MYO1D: variants seen among roughly 807,000 people sequenced by gnomAD.
MYO1D encodes the protein myosin ID.
Under a neutral mutation model 122.0 loss-of-function variants are expected in MYO1D, and 83 were observed. The observed-to-expected ratio is 0.68, with a 90% CI of 0.57 to 0.82. MYO1D has a LOEUF of 0.82. Among genes scored for constraint, MYO1D ranks in the 40% least tolerant of loss-of-function variants. The probability of loss-of-function intolerance (pLI) is 0.00; values close to 1 mark genes in which losing one functional copy is unlikely to be tolerated. For synonymous variants in MYO1D, 464 were observed against 446.9 expected (o/e 1.04, Z -0.48); for missense variants, 1,157 against 1,269.5 (o/e 0.91, Z 1.35).
At chr17:32,639,387 G>T (rs2088158659) in intron 19 of MYO1D, among the ~76,000 whole-genome samples, 1 of 150,302 alleles carries the variant, frequency 6.7e-6, no homozygotes, top group Non-Finnish European at 1.5e-5. Flanking sequence ...GTGTGTGTGT[G>T]TGTGTGTGTG....
chr17:32,664,666 G>A (rs574037179), intron 16 of MYO1D, among the ~76,000 whole-genome samples: 1 of 152,276 alleles, frequency 6.6e-6, no homozygotes, highest in South Asian at 2.1e-4. Context: ...ACTGACAGAG[G>A]AGCAAGCAAG....
intron 1 of MYO1D, among the ~76,000 whole-genome samples, chr17:32,835,257 A>G (rs1490862484): frequency 6.6e-6 from 1 of 151,390 alleles, no homozygotes; most frequent in Non-Finnish European, 1.5e-5. Context: ...ATTATTCAAT[A>G]CTCAACTAAA....
chr17:32,824,328 A>C (rs1188604570), intron 1 of MYO1D, among the ~76,000 whole-genome samples: 2 of 152,208 alleles, frequency 1.3e-5, no homozygotes, highest in Non-Finnish European at 2.9e-5. Context: ...ATAGACTAAT[A>C]AACTTTCATT....
rs187853260 is a variant in MYO1D, at chr17:32,713,870, C to T, written c.1914-1675G>A. 5.6e-4 allele frequency among the ~76,000 whole-genome samples: 85 copies of T among 152,076 alleles called. No homozygotes were observed. In the South Asian group the frequency reaches 0.011, roughly 20 times the overall value. ...AACTCCTGACCTCAAGTGATCTGCCCGCCTTGGCCTCTCAAAATGCTGGGA... is the reference window on the plus strand; with the variant it reads ...AACTCCTGACCTCAAGTGATCTGCCTGCCTTGGCCTCTCAAAATGCTGGGA... On this transcript the variant is annotated intron_variant, in intron 15 of 21. Transcript: ENST00000318217.
chr17:32,690,601 G>A (rs920229822), intron 16 of MYO1D, among the ~76,000 whole-genome samples: 1 of 152,182 alleles, frequency 6.6e-6, no homozygotes, highest in Non-Finnish European at 1.5e-5. Context: ...GGATCACGGA[G>A]CAGATCCCTC....
At chr17:32,665,622 A>T (rs188863320) in intron 16 of MYO1D, among the ~76,000 whole-genome samples, 25 of 152,228 alleles carry the variant, frequency 1.6e-4, no homozygotes, top group Admixed American at 1.6e-3. Context: ...TTATGGTTTT[A>T]TTTTTTGCAC....
intron 19 of MYO1D, among the ~76,000 whole-genome samples, chr17:32,642,607 T>C (rs1456836845): frequency 6.6e-6 from 1 of 152,230 alleles, no homozygotes; most frequent in African/African-American, 2.4e-5. Flanking sequence ...TTTATTTCAT[T>C]GAGCAGTGGT....
At position 32,764,955 on chromosome 17, in the gene MYO1D, C is replaced by T. The variant is rs1270600216; in HGVS notation, c.958G>A (p.Val320Met). ...TCAATGATGTCACGGCCTGTGGCCA[C>T]AGTCCGGTAAAGAAGGGCTTTCTCA... ...MVEKALLYRT[V>M]ATGRDIIDKQ... The change falls in exon 8 of 22, where the codon GTG (valine) becomes ATG (methionine). Residue 320 changes from valine (V) to methionine (M), a missense_variant. Transcript: ENST00000318217. 2 of 1,614,202 alleles carry T rather than the reference C, an allele frequency of 1.2e-6. No homozygotes were observed. The highest frequency in any genetic ancestry group is 1.7e-6 in the Non-Finnish European group (2 of 1,180,040).
intron 19 of MYO1D, among the ~76,000 whole-genome samples, chr17:32,644,191 A>G (rs1298809031): frequency 6.6e-6 from 1 of 152,050 alleles, no homozygotes; most frequent in African/African-American, 2.4e-5. Context: ...GTTATTCAGG[A>G]GCAGGTTGTT....
chr17:32,791,914 T>C (rs2090356453), intron 1 of MYO1D, among the ~76,000 whole-genome samples: 1 of 152,238 alleles, frequency 6.6e-6, no homozygotes, highest in African/African-American at 2.4e-5. Flanking sequence ...GCTGGTTTCC[T>C]GTGAATTCAT....
chr17:32,876,073 G>GA (rs1290239705), intron 1 of MYO1D, among the ~76,000 whole-genome samples: 1 of 152,170 alleles, frequency 6.6e-6, no homozygotes, highest in East Asian at 1.9e-4. Flanking sequence ...CTAACTCCTT[G>GA]AAAAAAACCA....
intron 1 of MYO1D, among the ~76,000 whole-genome samples, chr17:32,865,117 C>T (rs575843839): frequency 2.6e-5 from 4 of 152,006 alleles, no homozygotes; most frequent in Non-Finnish European, 5.9e-5. Context: ...TCTGTAAAAC[C>T]CAAAGCTGAT....
At chr17:32,638,457 A>C (rs933712769) in intron 20 of MYO1D, among the ~76,000 whole-genome samples, 3 of 152,266 alleles carry the variant, frequency 2.0e-5, no homozygotes, top group Admixed American at 2.0e-4. Flanking sequence ...ACGCCAGTGC[A>C]TTTAAACAGT....
At chr17:32,869,821 T>C (rs1486144304) in intron 1 of MYO1D, among the ~76,000 whole-genome samples, 2 of 152,028 alleles carry the variant, frequency 1.3e-5, no homozygotes, top group Non-Finnish European at 2.9e-5. Flanking sequence ...TAGTCCCAGC[T>C]ACTCAGGAGG....
chr17:32,782,357 C>T (rs903231694), intron 1 of MYO1D, among the ~76,000 whole-genome samples: 2 of 152,170 alleles, frequency 1.3e-5, no homozygotes, highest in African/African-American at 4.8e-5. Flanking sequence ...GAGTCCTTTA[C>T]ATCTGGGTTT....
chr17:32,832,260 C>T lies in MYO1D; in HGVS notation c.95+44518G>A, dbSNP rs547505750. Among the ~76,000 whole-genome samples the T allele has an allele frequency of 1.2e-4, 18 of 151,600 alleles. No individual in the cohort carries two copies. In the South Asian group the frequency reaches 2.7e-3, roughly 23 times the overall value. On this transcript the variant is annotated intron_variant, in intron 1 of 21. Coordinates refer to ENST00000318217, the MANE Select transcript of MYO1D (RefSeq NM_015194.3). Reference sequence around the variant, plus strand: ...CTCCACTGCTGGAACTACAGGCACGCACCACCACACCTGACTAATTTTTTT... The same window carrying T: ...CTCCACTGCTGGAACTACAGGCACGTACCACCACACCTGACTAATTTTTTT...
chr17:32,625,282 TGAGA>T (rs146421557), intron 20 of MYO1D, among the ~76,000 whole-genome samples: 4,580 of 150,234 alleles, frequency 0.03, 214 homozygotes, highest in African/African-American at 0.1. Flanking sequence ...ATAAAGAAAA[TGAGA>T]GAGAGAGAGA....
chr17:32,846,290 T>A lies in MYO1D; in HGVS notation c.95+30488A>T, dbSNP rs1404975220. 2.4e-4 allele frequency among the ~76,000 whole-genome samples: 37 copies of A among 152,164 alleles called. 1 individual carries two copies. The highest frequency in any genetic ancestry group is 1.5e-5 in the Non-Finnish European group (1 of 68,032). ...CAGCAGAATACCTACTTCAACATTA[T>A]CTCAGGCATTAACCAAAAAGTGTAT... On this transcript the variant is annotated intron_variant, in intron 1 of 21. Coordinates refer to ENST00000318217, the MANE Select transcript of MYO1D (RefSeq NM_015194.3).
rs368453138 is a variant in MYO1D, at chr17:32,533,199, A to G, written c.2865-38284T>C. Among the ~76,000 whole-genome samples, 19 of 152,314 alleles carry G rather than the reference A, an allele frequency of 1.2e-4. 1 individual carries two copies. In the East Asian group the frequency reaches 2.5e-3, roughly 20 times the overall value. On this transcript the variant is annotated intron_variant, in intron 21 of 21. Transcript: ENST00000318217. The stretch of plus-strand genomic sequence containing the variant: ...GTAATTCCATATGCTGATAACTCCC[A>G]AATCTATACCTCTAGCCCATTTTAA...
Sources: allele counts gnomAD v4.1 joint callset (sites outside exome capture counted in the v4.1 genomes callset), GRCh38; gene constraint gnomAD v4.1.1; transcripts MANE v1.5; gene names NCBI Gene and HGNC (gene_info 2026-07-23, HGNC 2026-07-21).